The following FHIP1A variants were observed in gnomAD, a reference collection of about 807,000 sequenced individuals.
FHIP1A encodes the protein FHF complex subunit HOOK-interacting protein 1A.
Under a neutral mutation model 88.6 loss-of-function variants are expected in FHIP1A, and 61 were observed. The observed-to-expected ratio is 0.69, with a 90% CI of 0.56 to 0.85. The LOEUF (loss-of-function observed/expected upper bound fraction) is 0.85. FHIP1A is among the 40% of genes least tolerant of loss of function. The pLI, the probability that FHIP1A is intolerant of heterozygous loss-of-function variation, is 0.00. For synonymous variants in FHIP1A, 478 were observed against 496.0 expected (o/e 0.96, Z 0.48); for missense variants, 1,154 against 1,273.5 (o/e 0.91, Z 1.43).
intron 4 of FHIP1A, 144 bp from the exon 5 acceptor site, chr4:151,577,302 GACAC>G (rs144415896): frequency 2.8e-4 from 166 of 593,494 alleles, no homozygotes; most frequent in Middle Eastern, 6.9e-4. Context: ...TTGAGAGGGA[GACAC>G]ACACACACAC....
chr4:151,410,454 G>A (rs2126496548), intron 1 of FHIP1A, among the ~76,000 whole-genome samples: 1 of 152,350 alleles, frequency 6.6e-6, no homozygotes, highest in South Asian at 2.1e-4. Context: ...TAGGAAGTCA[G>A]CTGCTCCCTG....
chr4:151,581,301 G>A (rs1322913286), intron 5 of FHIP1A, among the ~76,000 whole-genome samples: 3 of 152,148 alleles, frequency 2.0e-5, no homozygotes, highest in Non-Finnish European at 4.4e-5. Flanking sequence ...GGTGAAGGAA[G>A]GGAAGGGATG....
At chr4:151,497,090 ATG>A (rs1485374595) in intron 3 of FHIP1A, among the ~76,000 whole-genome samples, 1 of 152,198 alleles carries the variant, frequency 6.6e-6, no homozygotes, top group East Asian at 1.9e-4. Flanking sequence ...AGGCAGATTC[ATG>A]TAAACATTTT....
At chr4:151,444,853 C>T (rs1391727034) in intron 1 of FHIP1A, among the ~76,000 whole-genome samples, 1 of 152,272 alleles carries the variant, frequency 6.6e-6, no homozygotes, top group South Asian at 2.1e-4. Flanking sequence ...CAATTTTTTA[C>T]TGTATACTCA....
intron 1 of FHIP1A, among the ~76,000 whole-genome samples, chr4:151,443,779 G>T (rs2126565335): frequency 6.7e-6 from 1 of 148,744 alleles, no homozygotes; most frequent in Admixed American, 6.8e-5. Context: ...ATGCCGTGAG[G>T]AAGTATTTAC....
At chr4:151,470,826 C>T (rs1397590857) in intron 2 of FHIP1A, among the ~76,000 whole-genome samples, 1 of 152,120 alleles carries the variant, frequency 6.6e-6, no homozygotes. Flanking sequence ...ATAATAATAT[C>T]TTTGCCCTTT....
At chr4:151,548,286 T>C (rs958508613) in intron 3 of FHIP1A, among the ~76,000 whole-genome samples, 1 of 152,172 alleles carries the variant, frequency 6.6e-6, no homozygotes, top group Non-Finnish European at 1.5e-5. Flanking sequence ...CAGAGTAATA[T>C]TTAATAAGCG....
chr4:151,656,396 C>T lies in FHIP1A; in HGVS notation c.2716C>T (p.Arg906Cys), dbSNP rs375783498. Reference protein sequence around the residue: ...NTNMVFQPSVRSLYQVLASVK... With the variant: ...NTNMVFQPSVCSLYQVLASVK... ...CAACATGGTCTTCCAGCCAAGCGTC[C>T]GCTCTCTCTATCAGGTATGTTAGCT... The change falls in exon 12 of 14, where the codon CGC (arginine) becomes TGC (cysteine). Residue 906 changes from arginine (R) to cysteine (C), a missense_variant. Physicochemically the swap from Arg to Cys is radical, Grantham distance 180. Coordinates refer to ENST00000435205, the MANE Select transcript of FHIP1A (RefSeq NM_001109977.3). The surrounding 1 kb of genome is among the most constrained non-coding windows in gnomAD (Gnocchi z 4.2). The T allele has an allele frequency of 4.8e-5, 74 of 1,551,700 alleles. No homozygotes were observed. Among genetic ancestry groups the T allele is most frequent in the Admixed American group, 7.8e-5 (4 of 51,010 alleles).
intron 7 of FHIP1A, among the ~76,000 whole-genome samples, chr4:151,607,899 T>G (rs1735134758): frequency 6.6e-6 from 1 of 152,150 alleles, no homozygotes; most frequent in Non-Finnish European, 1.5e-5. Flanking sequence ...CCAATAAATT[T>G]TATACCATTT....
intron 4 of FHIP1A, among the ~76,000 whole-genome samples, chr4:151,576,031 G>A (rs1215865343): frequency 6.6e-6 from 1 of 152,226 alleles, no homozygotes; most frequent in Non-Finnish European, 1.5e-5. Context: ...ATTATCGTAT[G>A]TGTATATTTT....
At chr4:151,586,910 G>A in intron 6 of FHIP1A, 111 bp downstream of exon 6, 1 of 841,428 alleles carries the variant, frequency 1.2e-6, no homozygotes, top group Non-Finnish European at 1.7e-6. Flanking sequence ...AAATGTTTAT[G>A]GAATATTGGT....
intron 3 of FHIP1A, among the ~76,000 whole-genome samples, chr4:151,517,611 T>G (rs1259707578): frequency 6.6e-6 from 1 of 152,132 alleles, no homozygotes; most frequent in Non-Finnish European, 1.5e-5. Flanking sequence ...CATATATATA[T>G]TCATGCACTG....
chr4:151,514,489 C>T (rs1731153513), intron 3 of FHIP1A, among the ~76,000 whole-genome samples: 3 of 151,262 alleles, frequency 2.0e-5, no homozygotes, highest in Admixed American at 6.6e-5. Context: ...CACAAAAAAC[C>T]CTTCAAAAAA....
intron 3 of FHIP1A, among the ~76,000 whole-genome samples, chr4:151,542,462 C>A (rs995919434): frequency 1.3e-5 from 2 of 152,112 alleles, no homozygotes; most frequent in African/African-American, 4.8e-5. Flanking sequence ...TTTGCTATCA[C>A]CTGGCTTAGT....
chr4:151,456,929 A>G (rs1485976145), intron 2 of FHIP1A, among the ~76,000 whole-genome samples: 1 of 152,082 alleles, frequency 6.6e-6, no homozygotes, highest in Non-Finnish European at 1.5e-5. Flanking sequence ...AAAAAAACCT[A>G]TTTGTTTTTA....
intron 8 of FHIP1A, among the ~76,000 whole-genome samples, chr4:151,638,076 T>C (rs1736422468): frequency 6.6e-6 from 1 of 152,172 alleles, no homozygotes; most frequent in Non-Finnish European, 1.5e-5. Context: ...AATCAGTGAT[T>C]GATAGAATTC....
At chr4:151,565,078 G>A (rs1360953698) in intron 3 of FHIP1A, among the ~76,000 whole-genome samples, 1 of 151,858 alleles carries the variant, frequency 6.6e-6, no homozygotes, top group African/African-American at 2.4e-5. Flanking sequence ...GCTACCCCCT[G>A]TTTTCTTTTG....
At chr4:151,468,531 A>AT (rs1729406221) in intron 2 of FHIP1A, among the ~76,000 whole-genome samples, 1 of 151,942 alleles carries the variant, frequency 6.6e-6, no homozygotes, top group Non-Finnish European at 1.5e-5. Context: ...GAAACTCAGT[A>AT]TTTTTTTCAC....
intron 8 of FHIP1A, among the ~76,000 whole-genome samples, chr4:151,637,738 G>A (rs188214882): frequency 2.0e-5 from 3 of 152,154 alleles, no homozygotes; most frequent in African/African-American, 4.8e-5. Flanking sequence ...ATGGAACCAC[G>A]TGTGCAAAGA....
Sources: allele counts gnomAD v4.1 joint callset (sites outside exome capture counted in the v4.1 genomes callset), GRCh38; gene constraint gnomAD v4.1.1; non-coding constraint Gnocchi (gnomAD v3.1); transcripts MANE v1.5; gene names NCBI Gene and HGNC (gene_info 2026-07-23, HGNC 2026-07-21).